GFPT1: variants seen among roughly 807,000 people sequenced by gnomAD.
GFPT1 encodes the protein glutamine--fructose-6-phosphate transaminase 1, also known as glutamine--fructose-6-phosphate aminotransferase [isomerizing] 1.
Under a neutral mutation model 92.0 loss-of-function variants are expected in GFPT1, and 40 were observed. That is an observed-to-expected ratio of 0.43 (90% CI 0.34 to 0.57). The LOEUF (loss-of-function observed/expected upper bound fraction) is 0.57, where lower values mean the gene tolerates loss of function less well. Ranked by LOEUF, GFPT1 falls within the 20% of genes least tolerant of loss-of-function variation. The pLI is 0.02. For missense variants in GFPT1, 448 were observed against 869.1 expected, an observed-to-expected ratio of 0.52 and a Z score of 6.09; for synonymous variants, 269 against 280.6, an observed-to-expected ratio of 0.96 and a Z score of 0.41.
intron 15 of GFPT1, among the ~76,000 whole-genome samples, chr2:69,336,417 C>A (rs1670800873): frequency 1.3e-5 from 2 of 150,702 alleles, no homozygotes; most frequent in Non-Finnish European, 3.0e-5. Context: ...ACAAAAAATT[C>A]TCTATGAGAA....
chr2:69,345,557 A>G (rs1671063038), intron 12 of GFPT1, among the ~76,000 whole-genome samples: 1 of 152,208 alleles, frequency 6.6e-6, no homozygotes, highest in African/African-American at 2.4e-5. Flanking sequence ...AGTGGCATTA[A>G]GCACATTCAC....
At chr2:69,383,270 G>A (rs1239965288) in intron 1 of GFPT1, among the ~76,000 whole-genome samples, 1 of 152,210 alleles carries the variant, frequency 6.6e-6, no homozygotes, top group Non-Finnish European at 1.5e-5. Context: ...TCCAAGAGCA[G>A]AATTTCCCAA....
chr2:69,352,681 A>G (rs1295467416), intron 9 of GFPT1, among the ~76,000 whole-genome samples: 1 of 150,304 alleles, frequency 6.7e-6, no homozygotes, highest in Non-Finnish European at 1.5e-5. Flanking sequence ...CTTGAGTTTC[A>G]CTGTGTTTTT....
intron 1 of GFPT1, among the ~76,000 whole-genome samples, chr2:69,380,211 G>A (rs568658059): frequency 3.3e-5 from 5 of 152,016 alleles, no homozygotes; most frequent in South Asian, 2.1e-4. Context: ...ATGGTGACGC[G>A]TGCCTGTCCC....
chr2:69,369,597 T>C lies in GFPT1; in HGVS notation c.223+404A>G, dbSNP rs557056401. Among the ~76,000 whole-genome samples the C allele has an allele frequency of 2.0e-4, 31 of 152,334 alleles. No homozygotes were observed. In the South Asian group the frequency reaches 3.3e-3, roughly 16 times the overall value. On this transcript the variant is annotated intron_variant, in intron 3 of 19. Coordinates refer to ENST00000357308, the MANE Select transcript of GFPT1 (RefSeq NM_001244710.2). ...CCTATTCAAAGGTGCAATGTCAAAATTGACTACATCCAAGCTAGGCATTTA... is the reference window on the plus strand; with the variant it reads ...CCTATTCAAAGGTGCAATGTCAAAACTGACTACATCCAAGCTAGGCATTTA...
chr2:69,329,615 G>A, intron 16 of GFPT1, 69 bp downstream of exon 16: 1 of 1,099,386 alleles, frequency 9.1e-7, no homozygotes, highest in Non-Finnish European at 1.4e-6. Flanking sequence ...CAGCTTCAAG[G>A]ATAAGAGAAT....
chr2:69,345,803 T>A, intron 12 of GFPT1, 101 bp downstream of exon 12: 1 of 744,842 alleles, frequency 1.3e-6, no homozygotes, highest in South Asian at 1.5e-5. Context: ...GCAGCTGTAG[T>A]TGTTCTACAA....
chr2:69,364,987 T>A (rs1467808324), intron 3 of GFPT1, among the ~76,000 whole-genome samples: 3 of 65,196 alleles, frequency 4.6e-5, no homozygotes, highest in South Asian at 6.1e-4. Flanking sequence ...AGAGCGAGAC[T>A]CCCTCTCAAA....
intron 19 of GFPT1, 41 bp downstream of exon 19, chr2:69,326,873 A>G (rs1670544128): frequency 3.8e-6 from 6 of 1,597,424 alleles, no homozygotes; most frequent in Non-Finnish European, 8.6e-7. Flanking sequence ...GTATCCAGGT[A>G]AAAAACCATC....
chr2:69,327,252 G>A (rs973973838), intron 18 of GFPT1, among the ~76,000 whole-genome samples, 177 bp from the exon 19 acceptor site: 2 of 152,154 alleles, frequency 1.3e-5, no homozygotes, highest in South Asian at 2.1e-4. Context: ...AAACAGAAGC[G>A]TTATGGGATC....
intron 10 of GFPT1, among the ~76,000 whole-genome samples, chr2:69,349,259 A>T (rs1671153737): frequency 6.6e-6 from 1 of 152,154 alleles, no homozygotes; most frequent in African/African-American, 2.4e-5. Context: ...ATATGACTTC[A>T]CCCAGTGTTC....
chr2:69,373,310 T>TATGTAA (rs1383409745), intron 2 of GFPT1, among the ~76,000 whole-genome samples: 4 of 152,244 alleles, frequency 2.6e-5, no homozygotes, highest in South Asian at 4.1e-4. Flanking sequence ...AAGTTATGTT[T>TATGTAA]ATGTGTAATT....
At chr2:69,351,090 T>C (rs1376888850) in intron 9 of GFPT1, among the ~76,000 whole-genome samples, 1 of 152,194 alleles carries the variant, frequency 6.6e-6, no homozygotes, top group Non-Finnish European at 1.5e-5. Context: ...ATATCATATG[T>C]GGCACCCACT....
At chr2:69,360,237 G>A (rs922151436) in intron 4 of GFPT1, among the ~76,000 whole-genome samples, 1 of 150,706 alleles carries the variant, frequency 6.6e-6, no homozygotes, top group Non-Finnish European at 1.5e-5. Flanking sequence ...GCTGAGGCAG[G>A]AGAATCGCTT....
intron 2 of GFPT1, among the ~76,000 whole-genome samples, chr2:69,372,556 G>C (rs1230457043): frequency 6.6e-6 from 1 of 151,754 alleles, no homozygotes; most frequent in Non-Finnish European, 1.5e-5. Context: ...CTGGGTGACA[G>C]AGCAAGACTC....
At position 69,335,570 on chromosome 2, in the gene GFPT1, A is replaced by T. The variant is rs559244113; in HGVS notation, c.1482+2328T>A. The stretch of plus-strand genomic sequence containing the variant: ...AGAGCCTCTGGGATTCCAATCCCCC[A>T]ATCAAATCCTTAAGTGCTACTAAAG... On this transcript the variant is annotated intron_variant, in intron 15 of 19. Coordinates refer to ENST00000357308, the MANE Select transcript of GFPT1 (RefSeq NM_001244710.2). Among the ~76,000 whole-genome samples the T allele has an allele frequency of 1.6e-4, 24 of 152,300 alleles. No individual in the cohort carries two copies. The South Asian group carries it at 5.0e-3, about 32-fold the overall frequency.
intron 4 of GFPT1, among the ~76,000 whole-genome samples, chr2:69,363,267 C>T (rs1262690725): frequency 3.3e-5 from 5 of 152,034 alleles, no homozygotes; most frequent in Non-Finnish European, 7.4e-5. Context: ...CAATGCCTAA[C>T]TTATTTTTTT....
chr2:69,331,230 T>G (rs889941925), intron 15 of GFPT1, among the ~76,000 whole-genome samples: 1 of 152,210 alleles, frequency 6.6e-6, no homozygotes, highest in Non-Finnish European at 1.5e-5. Context: ...CATACATATC[T>G]TGAATCCTAA....
chr2:69,329,220 AT>A, intron 17 of GFPT1, 76 bp downstream of exon 17: 7 of 1,383,504 alleles, frequency 5.1e-6, no homozygotes, highest in Non-Finnish European at 7.2e-6. Context: ...TATTTCATTC[AT>A]TTAATGTAAA....
Sources: gnomAD v4.1 joint callset for allele counts (sites outside exome capture counted in the v4.1 genomes callset) on GRCh38, gnomAD v4.1.1 for gene constraint, MANE v1.5 for transcripts, NCBI Gene and HGNC (gene_info 2026-07-23, HGNC 2026-07-21) for gene names.